The following NFS1 variants were observed in gnomAD, a reference collection of about 807,000 sequenced individuals.
The protein encoded by NFS1 is NFS1 cysteine desulfurase.
Under a neutral mutation model 57.3 loss-of-function variants are expected in NFS1, and 26 were observed. The ratio of observed to expected loss-of-function variants is 0.45; its 90% confidence interval spans 0.33 to 0.63. The LOEUF is 0.63. NFS1 is among the 20% of genes least tolerant of loss of function. The pLI is 0.02. For missense variants in NFS1, 505 were observed against 605.8 expected (o/e 0.83, Z 1.75); for synonymous variants, 209 against 216.3 (o/e 0.97, Z 0.30).
rs545239342 is a variant in NFS1 at position 35,673,615 on chromosome 20, C to T, written c.1206G>A (p.Ala402=). The T allele has an allele frequency of 2.5e-5, 41 of 1,613,614 alleles. 1 individual carries two copies. In the Admixed American group the frequency reaches 3.2e-4, roughly 12 times the overall value. ...AACTCACTGACCTGATAGAAGAGTG[C>T]GCTAAATCCTCATCAGTGCCAATTG... ...LRAIGTDEDL[A]HSSIRFGIGR... is the part of the protein sequence containing the mutation. The change falls in exon 11 of 13, where the codon GCG becomes GCA. Residue 402 remains alanine (A), a synonymous_variant. Coordinates refer to ENST00000374092, the MANE Select transcript of NFS1 (RefSeq NM_021100.5).
chr20:35,688,616 G>T (rs746650077), intron 5 of NFS1, among the ~76,000 whole-genome samples: 2 of 151,886 alleles, frequency 1.3e-5, no homozygotes, highest in Non-Finnish European at 2.9e-5. Context: ...GTCTGAGGCC[G>T]CAGTGAGCTA....
Position 35,672,499 on chromosome 20 carries a change from C to T in NFS1, c.1310+256G>A, listed in dbSNP as rs561997976. On this transcript the variant is annotated intron_variant, in intron 12 of 12. Transcript: ENST00000374092. ...CTTCTGACCTCAGGTGATCTGTCCGCCTCGGCTTCCCAAAGTGCTAGGATT... is the reference window on the plus strand; with the variant it reads ...CTTCTGACCTCAGGTGATCTGTCCGTCTCGGCTTCCCAAAGTGCTAGGATT... 4.6e-5 allele frequency among the ~76,000 whole-genome samples: 7 copies of T among 152,306 alleles called. No individual in the cohort carries two copies. The East Asian group carries it at 1.4e-3, about 29-fold the overall frequency.
At chr20:35,674,148 C>A in intron 10 of NFS1, 1 of 573,402 alleles carries the variant, frequency 1.7e-6, no homozygotes, top group Non-Finnish European at 3.1e-6. Flanking sequence ...AAAATTCTAC[C>A]CCAGGAAGTC....
rs746820595 is a variant in NFS1 at position 35,676,758 on chromosome 20, G to GAAA, written c.791-1559_791-1557dup. On this transcript the variant is annotated intron_variant, in intron 7 of 12. Coordinates refer to ENST00000374092, the MANE Select transcript of NFS1 (RefSeq NM_021100.5). ...GCCTCCCAATAACCAGAGAAAATCA[G>GAAA]AAAAAAAAAAAAAAAAAAAAAAAAA... 1.8e-3 allele frequency among the ~76,000 whole-genome samples: 33 copies of GAAA among 18,126 alleles called. 1 individual carries two copies. The highest frequency in any genetic ancestry group is 3.1e-3 in the African/African-American group (12 of 3,926). The allele number at this position is 18,126 out of a possible 152,430, so 11.9% of individuals were successfully genotyped here.
At chr20:35,671,891 A>G (rs1035099401) in intron 12 of NFS1, among the ~76,000 whole-genome samples, 2 of 135,258 alleles carry the variant, frequency 1.5e-5, no homozygotes, top group African/African-American at 6.0e-5. Flanking sequence ...ACTTGTCTCC[A>G]AAAAAAAAAA....
In NFS1 at chr20:35,697,802, T is replaced by A. The variant is rs1568967679; in HGVS notation, c.208-2A>T. ...CATGGCATCAAGCACCCGGGGGTCCTGAACACAACAGAACAGATCATTTTC... is the reference window on the plus strand; with the variant it reads ...CATGGCATCAAGCACCCGGGGGTCCAGAACACAACAGAACAGATCATTTTC... On this transcript the variant is annotated splice_acceptor_variant, in intron 2 of 12. Transcript: ENST00000374092. LOFTEE classifies it high-confidence loss of function. 1 of 1,598,294 alleles carries A rather than the reference T, an allele frequency of 6.3e-7. No individual in the cohort carries two copies. The highest frequency in any genetic ancestry group is 1.7e-5 in the Admixed American group (1 of 59,650).
At chr20:35,671,789 C>T (rs2034659361) in intron 12 of NFS1, among the ~76,000 whole-genome samples, 1 of 151,014 alleles carries the variant, frequency 6.6e-6, no homozygotes, top group Non-Finnish European at 1.5e-5. Context: ...ACTTGGGAGG[C>T]TGAGGTGGGA....
intron 5 of NFS1, among the ~76,000 whole-genome samples, chr20:35,683,790 CAAAAAAA>C (rs151037025): frequency 0.014 from 741 of 53,998 alleles, 7 homozygotes; most frequent in African/African-American, 0.045. Flanking sequence ...GACTCCATCT[CAAAAAAA>C]AAAAAAAAAA....
intron 8 of NFS1, chr20:35,674,829 T>C: frequency 1.4e-6 from 1 of 698,634 alleles, no homozygotes; most frequent in Non-Finnish European, 2.4e-6. Flanking sequence ...CATTTACTTA[T>C]CCAGAAATAA....
chr20:35,691,366 G>C (rs2035036722), intron 4 of NFS1, among the ~76,000 whole-genome samples: 1 of 148,926 alleles, frequency 6.7e-6, no homozygotes, highest in Non-Finnish European at 1.5e-5. Flanking sequence ...AATATCACAA[G>C]AAACAATAAA....
intron 7 of NFS1, 90 bp from the exon 8 acceptor site, chr20:35,675,292 C>T: frequency 7.5e-7 from 1 of 1,335,634 alleles, no homozygotes; most frequent in Non-Finnish European, 1.0e-6. Context: ...AATATTACTT[C>T]AACTTTTCTG....
chr20:35,686,558 T>C (rs2034948216), intron 5 of NFS1, among the ~76,000 whole-genome samples: 1 of 152,116 alleles, frequency 6.6e-6, no homozygotes, highest in Non-Finnish European at 1.5e-5. Flanking sequence ...AAAGGCACCA[T>C]GTAAAGAACT....
At chr20:35,674,277 TG>T in intron 10 of NFS1, 72 bp downstream of exon 10, 2 of 1,181,110 alleles carry the variant, frequency 1.7e-6, no homozygotes, top group Non-Finnish European at 2.5e-6. Context: ...ATCTCCACAC[TG>T]GGAAGTTTAA....
chr20:35,692,714 A>G (rs2035066242), intron 4 of NFS1, among the ~76,000 whole-genome samples: 1 of 151,360 alleles, frequency 6.6e-6, no homozygotes, highest in Admixed American at 6.6e-5. Context: ...AAAAGAAAAA[A>G]AAATGGGCCA....
intron 6 of NFS1, 70 bp from the exon 7 acceptor site, chr20:35,680,941 T>G: frequency 2.3e-6 from 3 of 1,277,430 alleles, no homozygotes; most frequent in African/African-American, 1.7e-5. Flanking sequence ...CACAGTGCAC[T>G]GTGAATTATC....
intron 8 of NFS1, 74 bp downstream of exon 8, chr20:35,674,971 C>A: frequency 1.9e-6 from 3 of 1,580,016 alleles, no homozygotes; most frequent in Non-Finnish European, 2.6e-6. Flanking sequence ...CTGCCTCAGT[C>A]ATGCTGAGAA....
At chr20:35,680,703 T>C (rs1248906661) in intron 7 of NFS1, 34 bp downstream of exon 7, 9 of 1,470,724 alleles carry the variant, frequency 6.1e-6, no homozygotes, top group Admixed American at 2.5e-5. Flanking sequence ...TGCTGGAAGG[T>C]ACAGAGAGAA....
intron 7 of NFS1, among the ~76,000 whole-genome samples, chr20:35,677,901 C>A (rs775090922): frequency 1.1e-4 from 16 of 152,046 alleles, no homozygotes; most frequent in Non-Finnish European, 2.4e-4. Flanking sequence ...TCTATCTCTA[C>A]AAAAACTGTT....
At chr20:35,682,236 C>A (rs1158013321) in intron 5 of NFS1, among the ~76,000 whole-genome samples, 3 of 152,204 alleles carry the variant, frequency 2.0e-5, no homozygotes, top group South Asian at 4.1e-4. Context: ...TCAAACTAAA[C>A]ATGAAATTAC....
Sources: gnomAD v4.1 joint callset for allele counts (sites outside exome capture counted in the v4.1 genomes callset) on GRCh38, gnomAD v4.1.1 for gene constraint, MANE v1.5 for transcripts, NCBI Gene and HGNC (gene_info 2026-07-23, HGNC 2026-07-21) for gene names.